Variants in PHLPP1 observed in about 807,000 individuals in gnomAD.
The protein encoded by PHLPP1 is PH domain leucine-rich repeat-containing protein phosphatase 1.
Under a neutral mutation model 117.2 loss-of-function variants are expected in PHLPP1, and 42 were observed. The observed-to-expected ratio is 0.36, with a 90% CI of 0.28 to 0.46. The LOEUF (loss-of-function observed/expected upper bound fraction) is 0.46, where lower values mean the gene tolerates loss of function less well. PHLPP1 is among the 20% of genes least tolerant of loss of function. The pLI is 1.00. For missense variants in PHLPP1, 2,084 were observed against 2,241.9 expected (o/e 0.93, Z 1.42); for synonymous variants, 1,042 against 970.7 (o/e 1.07, Z -1.37).
At chr18:62,797,878 C>G (rs1479054174) in intron 1 of PHLPP1, among the ~76,000 whole-genome samples, 1 of 152,128 alleles carries the variant, frequency 6.6e-6, no homozygotes, top group African/African-American at 2.4e-5. Flanking sequence ...TAAGACTGAC[C>G]ATGATTTAAT....
chr18:62,862,232 C>G (rs752325902), intron 4 of PHLPP1, among the ~76,000 whole-genome samples: 3 of 151,892 alleles, frequency 2.0e-5, no homozygotes, highest in African/African-American at 7.3e-5. Flanking sequence ...GGCGCTCCCC[C>G]AACACCTGGC....
chr18:62,721,429 GGTGTGTGT>G (rs71340107), intron 1 of PHLPP1, among the ~76,000 whole-genome samples: 5 of 144,310 alleles, frequency 3.5e-5, no homozygotes, highest in Admixed American at 6.9e-5. Flanking sequence ...GAGGGGTGTG[GGTGTGTGT>G]GTGTGTGTGT....
At chr18:62,877,443 G>A (rs1306111595) in intron 4 of PHLPP1, among the ~76,000 whole-genome samples, 1 of 152,180 alleles carries the variant, frequency 6.6e-6, no homozygotes, top group Non-Finnish European at 1.5e-5. Flanking sequence ...TATAAAAAAC[G>A]TTAGAGGCAA....
intron 12 of PHLPP1, among the ~76,000 whole-genome samples, chr18:62,950,618 G>A (rs925126667): frequency 2.0e-5 from 3 of 152,212 alleles, no homozygotes; most frequent in African/African-American, 7.2e-5. Context: ...ATGAAGACAG[G>A]TCAGGAACCA....
chr18:62,941,665 T>A (rs1568168695), intron 10 of PHLPP1, 53 bp from the exon 11 acceptor site: 1 of 1,351,460 alleles, frequency 7.4e-7, no homozygotes. Context: ...TTTAGGTTTC[T>A]TGAGGGTTTT....
intron 1 of PHLPP1, among the ~76,000 whole-genome samples, chr18:62,749,768 C>G (rs1911788734): frequency 6.6e-6 from 1 of 152,154 alleles, no homozygotes; most frequent in African/African-American, 2.4e-5. Flanking sequence ...CCTGTAATCC[C>G]TCTTTGGGAA....
At chr18:62,830,480 C>T (rs1296238877) in intron 2 of PHLPP1, among the ~76,000 whole-genome samples, 4 of 152,140 alleles carry the variant, frequency 2.6e-5, no homozygotes, top group South Asian at 2.1e-4. Flanking sequence ...CTGCCCACCT[C>T]GGCCTCCCAA....
chr18:62,842,894 G>A (rs534670747), intron 3 of PHLPP1: 70 of 152,272 alleles, frequency 4.6e-4, no homozygotes, highest in Middle Eastern at 6.8e-3. Flanking sequence ...ATTATGTGTC[G>A]AGGATAATCT....
chr18:62,847,783 A>G (rs1481913386), intron 3 of PHLPP1, among the ~76,000 whole-genome samples: 1 of 152,204 alleles, frequency 6.6e-6, no homozygotes. Flanking sequence ...CTCTCACACC[A>G]TCCCACCCAT....
At chr18:62,781,470 A>G (rs781607077) in intron 1 of PHLPP1, among the ~76,000 whole-genome samples, 13 of 152,114 alleles carry the variant, frequency 8.5e-5, no homozygotes, top group Non-Finnish European at 1.8e-4. Flanking sequence ...CTGGGCTCTC[A>G]GTTTTGGCTC....
chr18:62,786,255 A>C (rs1216020110), intron 1 of PHLPP1, among the ~76,000 whole-genome samples: 3 of 152,212 alleles, frequency 2.0e-5, no homozygotes, highest in Non-Finnish European at 4.4e-5. Flanking sequence ...CTATGTCTAC[A>C]AGCCCTCTCC....
chr18:62,973,365 T>C (rs1191738557), intron 15 of PHLPP1, among the ~76,000 whole-genome samples: 3 of 152,212 alleles, frequency 2.0e-5, no homozygotes, highest in African/African-American at 7.2e-5. Context: ...ATTCAGAGAA[T>C]TGTTTATTCT....
rs758931627 is a variant in PHLPP1, at chr18:62,717,090, C to T, written c.1407C>T (p.Pro469=). 1.9e-6 allele frequency: 3 copies of T among 1,553,560 alleles called. No homozygotes were observed. The highest frequency in any genetic ancestry group is 1.4e-5 in the African/African-American group (1 of 73,498). Residue 469 remains proline (P), a synonymous_variant, in exon 1 of 17, where the codon CCC becomes CCT. Transcript: ENST00000262719. The part of the protein sequence containing the change: ...AEKAPPPPPP[P]TLYVQLHGET... ...AGGCGCCTCCGCCGCCCCCGCCGCCCACCCTGTACGTGCAGCTCCACGGAG... is the reference window on the plus strand; with the variant it reads ...AGGCGCCTCCGCCGCCCCCGCCGCCTACCCTGTACGTGCAGCTCCACGGAG...
At chr18:62,813,345 G>T (rs1914177732) in intron 1 of PHLPP1, among the ~76,000 whole-genome samples, 1 of 152,186 alleles carries the variant, frequency 6.6e-6, no homozygotes, top group South Asian at 2.1e-4. Flanking sequence ...GAATAATTGT[G>T]ATCTGTCCAT....
chr18:62,912,386 A>G (rs1432252129), intron 8 of PHLPP1, among the ~76,000 whole-genome samples: 5 of 151,380 alleles, frequency 3.3e-5, no homozygotes, highest in African/African-American at 1.2e-4. Flanking sequence ...ATATAATTAT[A>G]AAATCATAAA....
At chr18:62,843,753 A>C (rs1329535291) in intron 3 of PHLPP1, among the ~76,000 whole-genome samples, 1 of 152,216 alleles carries the variant, frequency 6.6e-6, no homozygotes, top group African/African-American at 2.4e-5. Context: ...ACATAGGTAC[A>C]TGCATCCAGC....
chr18:62,790,462 A>G (rs1193189457), intron 1 of PHLPP1, among the ~76,000 whole-genome samples: 1 of 152,224 alleles, frequency 6.6e-6, no homozygotes. Context: ...TTGACCAGGC[A>G]GGACAAGTTA....
intron 1 of PHLPP1, among the ~76,000 whole-genome samples, chr18:62,759,947 C>T (rs1426824628): frequency 6.6e-6 from 1 of 152,130 alleles, no homozygotes; most frequent in Non-Finnish European, 1.5e-5. Context: ...GGATATGATT[C>T]ATCTAGTTTT....
chr18:62,938,252 C>G (rs1910030411), intron 10 of PHLPP1, among the ~76,000 whole-genome samples: 1 of 152,306 alleles, frequency 6.6e-6, no homozygotes, highest in East Asian at 1.9e-4. Context: ...GTTATCACAT[C>G]ATACAGAGTT....
Sources: gnomAD v4.1 joint callset for allele counts (sites outside exome capture counted in the v4.1 genomes callset) on GRCh38, gnomAD v4.1.1 for gene constraint, MANE v1.5 for transcripts, NCBI Gene and HGNC (gene_info 2026-07-23, HGNC 2026-07-21) for gene names.